Variants in SCFD1 observed in about 807,000 individuals in gnomAD.
The protein encoded by SCFD1 is sec1 family domain-containing protein 1.
In SCFD1, 37 loss-of-function variants were observed where a neutral mutation model predicts 103.2. The observed-to-expected ratio is 0.36, with a 90% CI of 0.28 to 0.47. The LOEUF (loss-of-function observed/expected upper bound fraction) is 0.47. SCFD1 is among the 20% of genes least tolerant of loss of function. The probability of loss-of-function intolerance (pLI) is 1.00; values close to 1 mark genes in which losing one functional copy is unlikely to be tolerated. For synonymous variants in SCFD1, 264 were observed against 245.0 expected (o/e 1.08, Z -0.73); for missense variants, 639 against 761.2 (o/e 0.84, Z 1.89).
In SCFD1 at chr14:30,693,375, C is replaced by T. The variant is rs149498858; in HGVS notation, c.1243-1398C>T. On this transcript the variant is annotated intron_variant, in intron 14 of 24. Transcript: ENST00000458591. ...GAAGAGGACGGGGTGAAAAATAAGGCTTCTCAGTATATGTCTTTTTATGTT... is the reference window on the plus strand; with the variant it reads ...GAAGAGGACGGGGTGAAAAATAAGGTTTCTCAGTATATGTCTTTTTATGTT... Among the ~76,000 whole-genome samples the T allele has an allele frequency of 2.8e-3, 425 of 152,206 alleles. 1 individual carries two copies. Among genetic ancestry groups the T allele is most frequent in the Middle Eastern group, 6.8e-3 (2 of 294 alleles).
chr14:30,629,206 A>G (rs973338739), intron 2 of SCFD1, among the ~76,000 whole-genome samples: 1 of 152,212 alleles, frequency 6.6e-6, no homozygotes, highest in Non-Finnish European at 1.5e-5. Context: ...TAAAATTAAT[A>G]ATACACATGT....
chr14:30,660,713 C>T (rs1887369628), intron 10 of SCFD1, among the ~76,000 whole-genome samples: 1 of 152,030 alleles, frequency 6.6e-6, no homozygotes, highest in Non-Finnish European at 1.5e-5. Context: ...CAGAGACAAT[C>T]AATAAAGTCA....
chr14:30,725,111 G>A (rs1892951598), intron 23 of SCFD1, among the ~76,000 whole-genome samples: 1 of 152,170 alleles, frequency 6.6e-6, no homozygotes, highest in South Asian at 2.1e-4. Context: ...TTGAAGTCTG[G>A]TAGCATGATG....
intron 19 of SCFD1, among the ~76,000 whole-genome samples, chr14:30,711,767 GTTT>G (rs1190751952): frequency 4.0e-5 from 6 of 151,890 alleles, no homozygotes; most frequent in Admixed American, 3.9e-4. Context: ...GTGTTTTGGG[GTTT>G]TTAAGAGTTT....
At chr14:30,645,345 A>G (rs392101) in intron 7 of SCFD1, among the ~76,000 whole-genome samples, 15,043 of 152,198 alleles carry the variant, frequency 0.099, 1,417 homozygotes, top group African/African-American at 0.24. Flanking sequence ...TATGACTTTT[A>G]GAAAAGTTTT....
intron 10 of SCFD1, among the ~76,000 whole-genome samples, chr14:30,654,560 A>C (rs1035366882): frequency 4.6e-5 from 7 of 152,056 alleles, no homozygotes; most frequent in Admixed American, 1.3e-4. Flanking sequence ...TGTAATCCTA[A>C]CTATTTGGGT....
chr14:30,720,191 A>G (rs1321757878), intron 21 of SCFD1, among the ~76,000 whole-genome samples: 7 of 152,148 alleles, frequency 4.6e-5, no homozygotes, highest in Non-Finnish European at 1.0e-4. Context: ...TTCTGAATTT[A>G]CCAGAAATAT....
chr14:30,715,874 G>T, intron 19 of SCFD1, 50 bp from the exon 20 acceptor site: 1 of 1,007,552 alleles, frequency 9.9e-7, no homozygotes, highest in South Asian at 1.4e-5. Context: ...TTTTAATAGA[G>T]AAGAACTTTG....
At position 30,643,536 on chromosome 14, in the gene SCFD1, T is replaced by C. The variant is rs529901011; in HGVS notation, c.613+131T>C. 1.1e-4 allele frequency: 69 copies of C among 652,270 alleles called. 1 individual carries two copies. The African/African-American group carries it at 1.2e-3, about 11-fold the overall frequency. The allele number at this position is 652,270 out of a possible 1,614,324, so 40.4% of individuals were successfully genotyped here. A position where few individuals can be genotyped will look rare whatever the true frequency, so the allele number is the denominator to read the frequency against. Reference sequence around the variant, plus strand: ...AGAGGTTCTCGAGTGGAGTAAAATATATATTCAATAGTATATAAAAACAAT... The same window carrying C: ...AGAGGTTCTCGAGTGGAGTAAAATACATATTCAATAGTATATAAAAACAAT... On this transcript the variant is annotated intron_variant, in intron 7 of 24. Coordinates refer to ENST00000458591, the MANE Select transcript of SCFD1 (RefSeq NM_016106.4).
intron 10 of SCFD1, among the ~76,000 whole-genome samples, chr14:30,661,219 C>G (rs1454628190): frequency 6.6e-6 from 1 of 152,112 alleles, no homozygotes; most frequent in Non-Finnish European, 1.5e-5. Flanking sequence ...CTGAGTCTTC[C>G]TGTTTCTTCC....
chr14:30,641,491 G>A (rs1229426571), intron 6 of SCFD1, among the ~76,000 whole-genome samples: 4 of 152,272 alleles, frequency 2.6e-5, no homozygotes, highest in Non-Finnish European at 4.4e-5. Context: ...TTTTTCTAGT[G>A]CCAGTAATTA....
At chr14:30,631,572 AG>A (rs1222707006) in intron 3 of SCFD1, among the ~76,000 whole-genome samples, 2 of 152,190 alleles carry the variant, frequency 1.3e-5, no homozygotes, top group African/African-American at 4.8e-5. Context: ...TTTAAAAAAA[AG>A]GAATATCTAA....
At chr14:30,660,653 C>T (rs1467105514) in intron 10 of SCFD1, among the ~76,000 whole-genome samples, 1 of 151,842 alleles carries the variant, frequency 6.6e-6, no homozygotes, top group African/African-American at 2.4e-5. Context: ...AGGACAAATG[C>T]TTGTCTTCCT....
At chr14:30,650,344 C>T (rs1886284130) in intron 8 of SCFD1, among the ~76,000 whole-genome samples, 1 of 152,162 alleles carries the variant, frequency 6.6e-6, no homozygotes, top group South Asian at 2.1e-4. Flanking sequence ...TTCTTAGTGA[C>T]ATCAGGCCCG....
chr14:30,658,085 G>C, intron 10 of SCFD1: 1 of 455,570 alleles, frequency 2.2e-6, no homozygotes, highest in Non-Finnish European at 4.4e-6. Context: ...GGTTGCAGGA[G>C]AGGTGGATTT....
At chr14:30,705,799 A>G (rs1891428475) in intron 17 of SCFD1, 24 bp from the exon 18 acceptor site, 1 of 1,602,566 alleles carries the variant, frequency 6.2e-7, no homozygotes, top group Non-Finnish European at 8.5e-7. Context: ...ATTAGCTTTT[A>G]AGTACAACTT....
intron 19 of SCFD1, among the ~76,000 whole-genome samples, chr14:30,715,130 A>G (rs1892182660): frequency 6.6e-6 from 1 of 152,246 alleles, no homozygotes. Context: ...TTGTTTGTGT[A>G]TCCATATACC....
chr14:30,649,090 T>A lies in SCFD1; in HGVS notation c.614-438T>A, dbSNP rs548987408. Among the ~76,000 whole-genome samples the A allele has an allele frequency of 8.5e-5, 13 of 152,280 alleles. No homozygotes were observed. In the South Asian group the frequency reaches 2.7e-3, roughly 32 times the overall value. On this transcript the variant is annotated intron_variant, in intron 7 of 24. Coordinates refer to ENST00000458591, the MANE Select transcript of SCFD1 (RefSeq NM_016106.4). Reference sequence around the variant, plus strand: ...ATTGGTCAGCTCCATATAAAAATAGTTTTCTTCTGACTCCCTGTTGTTTTC... The same window carrying A: ...ATTGGTCAGCTCCATATAAAAATAGATTTCTTCTGACTCCCTGTTGTTTTC...
Position 30,719,359 on chromosome 14 carries a change from T to TA in SCFD1, c.1718_1719insA (p.Met573IlefsTer6), listed in dbSNP as rs1431331196. On this transcript the variant is annotated frameshift_variant, in exon 21 of 25. Transcript: ENST00000458591. LOFTEE classifies it high-confidence loss of function. ...GACTATAGATATTTTGATCCCAAAA[T>TA]GCTGCGGGGCAATGACAGGTAAGCA... The TA allele has an allele frequency of 6.2e-7, 1 of 1,607,412 alleles. No homozygotes were observed. The highest frequency in any genetic ancestry group is 8.5e-7 in the Non-Finnish European group (1 of 1,177,442).
Sources: gnomAD v4.1 joint callset for allele counts (sites outside exome capture counted in the v4.1 genomes callset) on GRCh38, gnomAD v4.1.1 for gene constraint, MANE v1.5 for transcripts, NCBI Gene and HGNC (gene_info 2026-07-23, HGNC 2026-07-21) for gene names.